The following SLC2A9 variants were observed in gnomAD, a reference collection of about 807,000 sequenced individuals.
SLC2A9 encodes the protein solute carrier family 2, facilitated glucose transporter member 9.
SLC2A9 carries 39 observed loss-of-function variants against 50.6 expected under a neutral mutation model. The ratio of observed to expected loss-of-function variants is 0.77; its 90% confidence interval spans 0.60 to 1.01. The LOEUF (loss-of-function observed/expected upper bound fraction) is 1.01, where lower values mean the gene tolerates loss of function less well. Ranked by LOEUF, SLC2A9 falls within the 50% of genes least tolerant of loss-of-function variation. SLC2A9 has a pLI of 0.00. For missense variants in SLC2A9, 686 were observed against 677.6 expected, an observed-to-expected ratio of 1.01 and a Z score of -0.14; for synonymous variants, 324 against 276.9, an observed-to-expected ratio of 1.17 and a Z score of -1.69.
intron 5 of SLC2A9, among the ~76,000 whole-genome samples, chr4:9,967,122 T>C (rs1753169618): frequency 6.6e-6 from 1 of 152,230 alleles, no homozygotes. Flanking sequence ...TTGATTGAAA[T>C]TGTATTGAAT....
chr4:10,032,879 C>G (rs552503899), intron 1 of SLC2A9, among the ~76,000 whole-genome samples: 1 of 152,176 alleles, frequency 6.6e-6, no homozygotes, highest in Non-Finnish European at 1.5e-5. Context: ...TAACCGTGAC[C>G]ATGGGCAAGT....
At chr4:10,006,143 C>G (rs1334706332) in intron 2 of SLC2A9, among the ~76,000 whole-genome samples, 1 of 152,192 alleles carries the variant, frequency 6.6e-6, no homozygotes, top group Non-Finnish European at 1.5e-5. Flanking sequence ...TTACCATTAT[C>G]TCCCAGGCCA....
At chr4:9,890,518 T>G in intron 9 of SLC2A9, 92 bp downstream of exon 9, 5 of 1,172,358 alleles carry the variant, frequency 4.3e-6, no homozygotes, top group Non-Finnish European at 6.4e-6. Flanking sequence ...TCTGTAGAAG[T>G]ATGAACCCAC....
chr4:9,794,155 T>C (rs1421559303), downstream of SLC2A9, among the ~76,000 whole-genome samples: 1 of 151,626 alleles, frequency 6.6e-6, no homozygotes, highest in African/African-American at 2.4e-5. Flanking sequence ...ATTCCTTTTT[T>C]TTGTGTGTGT....
intron 4 of SLC2A9, among the ~76,000 whole-genome samples, chr4:9,982,532 G>C (rs79388807): frequency 0.011 from 1,672 of 152,302 alleles, 43 homozygotes; most frequent in African/African-American, 0.038. Context: ...AGGAAATTCA[G>C]AGATCAATTA....
At chr4:9,898,247 A>G (rs910587380) in intron 8 of SLC2A9, among the ~76,000 whole-genome samples, 8 of 152,224 alleles carry the variant, frequency 5.3e-5, no homozygotes, top group Non-Finnish European at 1.2e-4. Flanking sequence ...AAATGATTGA[A>G]TGTATGTAAA....
At chr4:9,872,212 G>C (rs1285078911) in intron 10 of SLC2A9, among the ~76,000 whole-genome samples, 2 of 152,132 alleles carry the variant, frequency 1.3e-5, no homozygotes, top group Non-Finnish European at 2.9e-5. Context: ...ACTTACTGTA[G>C]ATTTTGGGAA....
intron 2 of SLC2A9, among the ~76,000 whole-genome samples, chr4:10,012,199 TGCA>T (rs1761878327): frequency 6.6e-6 from 1 of 152,210 alleles, no homozygotes; most frequent in East Asian, 1.9e-4. Context: ...ATTCACAGAA[TGCA>T]GCAGATCAGC....
intron 10 of SLC2A9, among the ~76,000 whole-genome samples, chr4:9,848,579 G>C (rs1729368193): frequency 6.6e-6 from 1 of 151,892 alleles, no homozygotes; most frequent in South Asian, 2.1e-4. Flanking sequence ...TTTTCTCCCT[G>C]TTGCTTGCCC....
chr4:9,973,919 T>C (rs1009241287), intron 5 of SLC2A9, among the ~76,000 whole-genome samples: 2 of 146,048 alleles, frequency 1.4e-5, no homozygotes. Flanking sequence ...GATGAAAAAA[T>C]CCTTTACAAA....
chr4:9,914,813 G>A (rs894090587), intron 7 of SLC2A9, among the ~76,000 whole-genome samples: 1 of 152,028 alleles, frequency 6.6e-6, no homozygotes, highest in Admixed American at 6.6e-5. Flanking sequence ...CCCAACAGCC[G>A]GTCCATGCTC....
chr4:9,928,431 AT>A, intron 6 of SLC2A9, among the ~76,000 whole-genome samples: 1 of 152,226 alleles, frequency 6.6e-6, no homozygotes, highest in East Asian at 1.9e-4. Context: ...CAGATCACCA[AT>A]AAAAACTCTT....
rs978593951 is a variant in SLC2A9, at chr4:9,954,342, G to C, written c.682-12297C>G. Among the ~76,000 whole-genome samples the C allele has an allele frequency of 1.7e-4, 26 of 152,266 alleles. 1 individual carries two copies. The highest frequency in any genetic ancestry group is 4.6e-4 in the African/African-American group (19 of 41,480). ...CATGGGGCTCCCCACTGGAAGACTT[G>C]TCTGCAACTATATTTGTTTGGACCT... On this transcript the variant is annotated intron_variant, in intron 5 of 11. Transcript: ENST00000264784.
At chr4:9,789,031 A>T (rs1719573766) in intron 3 of SLC2A9, among the ~76,000 whole-genome samples, 3 of 152,208 alleles carry the variant, frequency 2.0e-5, no homozygotes, top group South Asian at 2.1e-4. Context: ...ATATACATGC[A>T]CACATATTCA....
At chr4:9,984,999 G>A (rs889926446) in intron 4 of SLC2A9, among the ~76,000 whole-genome samples, 1 of 152,152 alleles carries the variant, frequency 6.6e-6, no homozygotes, top group African/African-American at 2.4e-5. Context: ...CCGCCTCTGA[G>A]ACATAATACT....
At chr4:9,902,793 C>T (rs1312970365) in intron 8 of SLC2A9, among the ~76,000 whole-genome samples, 1 of 152,184 alleles carries the variant, frequency 6.6e-6, no homozygotes, top group African/African-American at 2.4e-5. Flanking sequence ...CGTATCTTAC[C>T]TTAACTAATT....
chr4:9,867,891 G>A (rs577562329), intron 10 of SLC2A9, among the ~76,000 whole-genome samples: 9 of 152,294 alleles, frequency 5.9e-5, no homozygotes, highest in Admixed American at 5.9e-4. Context: ...TGGTGGGAGT[G>A]AATTCACACA....
At chr4:9,892,063 A>G (rs1441120450) in intron 8 of SLC2A9, among the ~76,000 whole-genome samples, 1 of 152,140 alleles carries the variant, frequency 6.6e-6, no homozygotes, top group Non-Finnish European at 1.5e-5. Context: ...CTTTCCTCAT[A>G]CCCTGCTCCT....
intron 5 of SLC2A9, among the ~76,000 whole-genome samples, chr4:9,951,168 G>T (rs1051227818): frequency 6.6e-6 from 1 of 152,148 alleles, no homozygotes; most frequent in Non-Finnish European, 1.5e-5. Flanking sequence ...TAAAAAGAAT[G>T]AAATCATGTC....
Sources: gnomAD v4.1 joint callset for allele counts (sites outside exome capture counted in the v4.1 genomes callset) on GRCh38, gnomAD v4.1.1 for gene constraint, MANE v1.5 for transcripts, NCBI Gene and HGNC (gene_info 2026-07-23, HGNC 2026-07-21) for gene names.